Variants in VPS13B observed in about 807,000 individuals in gnomAD.
VPS13B encodes vacuolar protein sorting 13 homolog B, also known as intermembrane lipid transfer protein VPS13B.
Under a neutral mutation model 426.4 loss-of-function variants are expected in VPS13B, and 285 were observed. That is an observed-to-expected ratio of 0.67 (90% CI 0.61 to 0.74). The LOEUF is 0.74. VPS13B is among the 30% of genes least tolerant of loss of function. VPS13B has a pLI of 0.00. For missense variants in VPS13B, 4,537 were observed against 4,782.6 expected (o/e 0.95, Z 1.51); for synonymous variants, 1,676 against 1,676.4 (o/e 1.00, Z 0.01).
intron 43 of VPS13B, among the ~76,000 whole-genome samples, chr8:99,793,940 ACATT>A (rs1812683892): frequency 6.6e-6 from 1 of 152,182 alleles, no homozygotes; most frequent in African/African-American, 2.4e-5. Flanking sequence ...TCCATGTAAA[ACATT>A]TATAAAGTTC....
At chr8:99,748,794 C>T (rs1392946823) in intron 39 of VPS13B, among the ~76,000 whole-genome samples, 2 of 151,882 alleles carry the variant, frequency 1.3e-5, no homozygotes, top group East Asian at 1.9e-4. Context: ...TTCGCAGTTT[C>T]CTTTCCTATT....
At chr8:99,487,421 T>C (rs968006418) in intron 25 of VPS13B, among the ~76,000 whole-genome samples, 2 of 152,188 alleles carry the variant, frequency 1.3e-5, no homozygotes, top group African/African-American at 2.4e-5. Context: ...ATTAACTTCT[T>C]TGGTGATTTT....
intron 19 of VPS13B, among the ~76,000 whole-genome samples, chr8:99,367,605 C>G (rs1812961892): frequency 6.6e-6 from 1 of 152,196 alleles, no homozygotes. Flanking sequence ...CTCTCCCTGC[C>G]TCCACTTTAA....
intron 19 of VPS13B, among the ~76,000 whole-genome samples, chr8:99,289,095 GAAA>G (rs895203854): frequency 2.0e-5 from 3 of 151,660 alleles, no homozygotes; most frequent in African/African-American, 7.3e-5. Context: ...AAGAAAGAAA[GAAA>G]AAGAAAGAAA....
chr8:99,424,875 A>G (rs1588361731), intron 21 of VPS13B, among the ~76,000 whole-genome samples: 2 of 152,318 alleles, frequency 1.3e-5, no homozygotes, highest in South Asian at 2.1e-4. Flanking sequence ...AAAAAATGAC[A>G]AAGGGGTATC....
chr8:99,715,282 A>C (rs1832866397), intron 36 of VPS13B, among the ~76,000 whole-genome samples: 1 of 152,196 alleles, frequency 6.6e-6, no homozygotes, highest in African/African-American at 2.4e-5. Flanking sequence ...GATTCAGTTC[A>C]ATGGAACATG....
At chr8:99,101,141 T>C (rs1846716605) in intron 4 of VPS13B, among the ~76,000 whole-genome samples, 1 of 152,198 alleles carries the variant, frequency 6.6e-6, no homozygotes, top group East Asian at 1.9e-4. Flanking sequence ...TTTTTATTTA[T>C]TTATTTTTTA....
chr8:99,755,050 G>T lies in VPS13B; in HGVS notation c.7051-11724G>T, dbSNP rs528370964. ...AAAACGGGAATGAGATGTCCATGGG[G>T]TTTTGAAAAGCTCCAACATATTCCT... On this transcript the variant is annotated intron_variant, in intron 39 of 61. Coordinates refer to ENST00000357162, the MANE Select transcript of VPS13B (RefSeq NM_152564.5). Among the ~76,000 whole-genome samples, 6 of 152,224 alleles carry T rather than the reference G, an allele frequency of 3.9e-5. No homozygotes were observed. The East Asian group carries it at 7.7e-4, about 20-fold the overall frequency.
chr8:99,726,429 T>G (rs1833352716), intron 39 of VPS13B, among the ~76,000 whole-genome samples: 1 of 152,200 alleles, frequency 6.6e-6, no homozygotes, highest in South Asian at 2.1e-4. Context: ...AATCCTCCTG[T>G]GTGCACTGCC....
chr8:99,542,771 A>G (rs1017221225), intron 30 of VPS13B, among the ~76,000 whole-genome samples: 2 of 152,198 alleles, frequency 1.3e-5, no homozygotes, highest in African/African-American at 2.4e-5. Flanking sequence ...CAGCCAACAT[A>G]CAGCACTTAA....
At chr8:99,091,613 C>G (rs936210605) in intron 3 of VPS13B, 1 of 152,094 alleles carries the variant, frequency 6.6e-6, no homozygotes, top group Non-Finnish European at 1.5e-5. Context: ...TCTATTTTTA[C>G]CATGAAAGTT....
At chr8:99,761,711 CA>C (rs1810938878) in intron 39 of VPS13B, among the ~76,000 whole-genome samples, 1 of 152,048 alleles carries the variant, frequency 6.6e-6, no homozygotes, top group South Asian at 2.1e-4. Context: ...TTTGTATTAC[CA>C]AAAACAATAG....
intron 51 of VPS13B, among the ~76,000 whole-genome samples, chr8:99,826,721 C>T (rs1814707240): frequency 6.6e-6 from 1 of 152,056 alleles, no homozygotes; most frequent in Admixed American, 6.6e-5. Context: ...ATGAATAGCT[C>T]TTATTAGTTT....
chr8:99,532,043 T>G (rs557113226), intron 30 of VPS13B, among the ~76,000 whole-genome samples: 62 of 152,270 alleles, frequency 4.1e-4, no homozygotes, highest in African/African-American at 1.5e-3. Context: ...TAAAAAGTTT[T>G]TTTTAACTTT....
At chr8:99,393,135 T>C (rs2133316382) in intron 21 of VPS13B, among the ~76,000 whole-genome samples, 1 of 152,070 alleles carries the variant, frequency 6.6e-6, no homozygotes, top group South Asian at 2.1e-4. Context: ...AAAATAATGG[T>C]TAAGGATAAT....
intron 37 of VPS13B, among the ~76,000 whole-genome samples, 163 bp from the exon 38 acceptor site, chr8:99,720,182 G>A (rs925299411): frequency 6.6e-6 from 1 of 151,954 alleles, no homozygotes. Flanking sequence ...TCAAGCAATA[G>A]AATTTCATCC....
At chr8:99,869,833 T>C (rs1427141958) in intron 59 of VPS13B, among the ~76,000 whole-genome samples, 2 of 152,360 alleles carry the variant, frequency 1.3e-5, no homozygotes, top group East Asian at 3.9e-4. Flanking sequence ...CACTAACTCT[T>C]AGTCTAATGA....
intron 28 of VPS13B, chr8:99,508,044 T>C: frequency 7.1e-7 from 1 of 1,413,008 alleles, no homozygotes; most frequent in Non-Finnish European, 9.7e-7. Flanking sequence ...TGAAGTATAA[T>C]GTAATTTAAA....
intron 61 of VPS13B, 126 bp downstream of exon 61, chr8:99,871,823 C>G (rs1281091425): frequency 1.3e-6 from 2 of 1,539,326 alleles, no homozygotes; most frequent in African/African-American, 1.4e-5. Flanking sequence ...CCAAGGAGAG[C>G]TGCTACCCAG....
Sources: gnomAD v4.1 joint callset for allele counts (sites outside exome capture counted in the v4.1 genomes callset) on GRCh38, gnomAD v4.1.1 for gene constraint, MANE v1.5 for transcripts, NCBI Gene and HGNC (gene_info 2026-07-23, HGNC 2026-07-21) for gene names.